The following PCDHGB1 variants were observed in gnomAD, a reference collection of about 807,000 sequenced individuals.
The protein encoded by PCDHGB1 is protocadherin gamma-B1.
Under a neutral mutation model 56.6 loss-of-function variants are expected in PCDHGB1, and 34 were observed. That is an observed-to-expected ratio of 0.60 (90% CI 0.46 to 0.80). The LOEUF is 0.80. Among genes scored for constraint, PCDHGB1 ranks in the 30% least tolerant of loss-of-function variants. The pLI is 0.00. For synonymous variants in PCDHGB1, 561 were observed against 505.9 expected, an observed-to-expected ratio of 1.11 and a Z score of -1.46; for missense variants, 1,278 against 1,204.6, an observed-to-expected ratio of 1.06 and a Z score of -0.90.
In PCDHGB1 at chr5:141,372,187, C is replaced by T. The variant is rs368451043; in HGVS notation, c.2409+19518C>T. ...AAGGTGGTGGCGGTGGACGCAGACT[C>T]GGGATACAACGCCTGGCTGTCCTAC... On this transcript the variant is annotated intron_variant, in intron 1 of 3. Coordinates refer to ENST00000523390, the MANE Select transcript of PCDHGB1 (RefSeq NM_018922.3). 5 of 1,613,508 alleles carry T rather than the reference C, an allele frequency of 3.1e-6. No homozygotes were observed. The highest frequency in any genetic ancestry group is 4.2e-6 in the Non-Finnish European group (5 of 1,179,930).
chr5:141,508,451 C>T (rs1245251907), intron 3 of PCDHGB1, among the ~76,000 whole-genome samples: 1 of 152,180 alleles, frequency 6.6e-6, no homozygotes, highest in Admixed American at 6.5e-5. Flanking sequence ...AGTGGCAGAG[C>T]AGAGCAAATA....
At chr5:141,385,316 G>T in intron 1 of PCDHGB1, 2 of 1,610,350 alleles carry the variant, frequency 1.2e-6, no homozygotes, top group Non-Finnish European at 1.7e-6. Flanking sequence ...AACCTGCCAA[G>T]TATTCAGGTG....
At chr5:141,412,001 A>G (rs2095528527) in intron 1 of PCDHGB1, 1 of 151,750 alleles carries the variant, frequency 6.6e-6, no homozygotes, top group Non-Finnish European at 1.5e-5. Flanking sequence ...GCATAGTGAC[A>G]TAAACACTTC....
intron 1 of PCDHGB1, chr5:141,375,120 A>G (rs2150053387): frequency 6.2e-7 from 1 of 1,613,952 alleles, no homozygotes; most frequent in South Asian, 1.1e-5. Flanking sequence ...AATGTACCAG[A>G]AGTGGTTGTT....
intron 1 of PCDHGB1, among the ~76,000 whole-genome samples, chr5:141,472,980 C>CAAAAAAAAAAAAAA (rs60579131): frequency 5.8e-5 from 5 of 86,102 alleles, no homozygotes; most frequent in Admixed American, 1.2e-4. Context: ...GAGTGAAACT[C>CAAAAAAAAAAAAAA]AAAAAAAAAA....
intron 2 of PCDHGB1, among the ~76,000 whole-genome samples, chr5:141,502,866 C>CTTTTT (rs549047197): frequency 1.6e-5 from 2 of 128,044 alleles, no homozygotes; most frequent in Non-Finnish European, 1.6e-5. Flanking sequence ...GACTCTCTGT[C>CTTTTT]TTTTTTTTTT....
chr5:141,413,836 G>A, intron 1 of PCDHGB1: 2 of 1,613,256 alleles, frequency 1.2e-6, no homozygotes, highest in Non-Finnish European at 1.7e-6. Context: ...CGCCTCCGAC[G>A]GGGGTGACCC....
chr5:141,482,041 T>C (rs1443886481), intron 1 of PCDHGB1, among the ~76,000 whole-genome samples: 2 of 150,190 alleles, frequency 1.3e-5, no homozygotes, highest in Non-Finnish European at 2.9e-5. Context: ...GCCAAGATCA[T>C]GCTGTTGCAT....
At chr5:141,354,578 T>C (rs1206175122) in intron 1 of PCDHGB1, among the ~76,000 whole-genome samples, 1 of 152,230 alleles carries the variant, frequency 6.6e-6, no homozygotes, top group African/African-American at 2.4e-5. Flanking sequence ...ACTGCATAAA[T>C]TGGGACTAAA....
intron 1 of PCDHGB1, chr5:141,372,919 A>AT (rs1186389143): frequency 7.2e-5 from 73 of 1,017,918 alleles, no homozygotes; most frequent in Non-Finnish European, 9.7e-5. Context: ...TATTTTATTG[A>AT]TTTTCTGGTG....
chr5:141,363,649 G>T (rs1045125812), intron 1 of PCDHGB1, among the ~76,000 whole-genome samples: 1 of 152,184 alleles, frequency 6.6e-6, no homozygotes, highest in East Asian at 1.9e-4. Flanking sequence ...AAGTAACAAA[G>T]ATCTTTATTT....
At chr5:141,422,100 A>G (rs1019775470) in intron 1 of PCDHGB1, 2 of 1,609,786 alleles carry the variant, frequency 1.2e-6, no homozygotes, top group Non-Finnish European at 1.7e-6. Context: ...AGGCTTCTGA[A>G]ATATTCCAAT....
At chr5:141,364,856 C>T (rs748996283) in intron 1 of PCDHGB1, 1 of 1,614,006 alleles carries the variant, frequency 6.2e-7, no homozygotes, top group South Asian at 1.1e-5. Context: ...CAGCTCCAAT[C>T]TGCACTTCTC....
intron 1 of PCDHGB1, chr5:141,360,011 A>T: frequency 2.0e-5 from 25 of 1,240,972 alleles, no homozygotes; most frequent in Non-Finnish European, 2.7e-5. Context: ...AACCAACCAC[A>T]CAGAGAAGGC....
chr5:141,506,577 A>G (rs2099855057), intron 3 of PCDHGB1, among the ~76,000 whole-genome samples: 1 of 152,162 alleles, frequency 6.6e-6, no homozygotes, highest in South Asian at 2.1e-4. Flanking sequence ...TTCACTTACT[A>G]TTAATGGGCA....
chr5:141,421,751 C>T (rs751678934), intron 1 of PCDHGB1: 1 of 1,613,932 alleles, frequency 6.2e-7, no homozygotes, highest in South Asian at 1.1e-5. Context: ...CAGCTCAGCC[C>T]TAATAATTAC....
At chr5:141,361,147 C>A (rs1434690627) in intron 1 of PCDHGB1, 3 of 1,613,838 alleles carry the variant, frequency 1.9e-6, no homozygotes, top group East Asian at 2.2e-5. Flanking sequence ...AGTTGAAATT[C>A]TTGATGACAA....
intron 1 of PCDHGB1, chr5:141,393,547 C>T (rs761723933): frequency 4.3e-6 from 7 of 1,613,938 alleles, no homozygotes; most frequent in South Asian, 1.1e-5. Flanking sequence ...TTTCCTCACC[C>T]GATTTACCGA....
chr5:141,443,167 C>T (rs745545091), intron 1 of PCDHGB1, among the ~76,000 whole-genome samples: 4 of 152,084 alleles, frequency 2.6e-5, no homozygotes, highest in Non-Finnish European at 5.9e-5. Flanking sequence ...TTTCCCTACC[C>T]ATGTCCACTG....
Sources: gnomAD v4.1 joint callset for allele counts (sites outside exome capture counted in the v4.1 genomes callset) on GRCh38, gnomAD v4.1.1 for gene constraint, MANE v1.5 for transcripts, NCBI Gene and HGNC (gene_info 2026-07-23, HGNC 2026-07-21) for gene names.